SERINC3: variants seen among roughly 807,000 people sequenced by gnomAD.
SERINC3 encodes tumor differentially expressed protein 1.
SERINC3 carries 22 observed loss-of-function variants against 52.1 expected under a neutral mutation model. The observed-to-expected ratio is 0.42, with a 90% confidence interval of 0.30 to 0.60. The LOEUF (loss-of-function observed/expected upper bound fraction) is 0.60. SERINC3 is among the 20% of genes least tolerant of loss of function. The pLI is 0.16. For missense variants in SERINC3, 564 were observed against 584.6 expected (o/e 0.96, Z 0.36); for synonymous variants, 226 against 212.7 (o/e 1.06, Z -0.54).
At chr20:44,515,034 A>T (rs2064371506) in intron 1 of SERINC3, among the ~76,000 whole-genome samples, 1 of 152,184 alleles carries the variant, frequency 6.6e-6, no homozygotes, top group African/African-American at 2.4e-5. Flanking sequence ...CCATTAATTG[A>T]TAAGTAAATA....
In SERINC3 at chr20:44,500,298, A is replaced by C; in HGVS notation, c.1420T>G (p.Ter474GlyextTer51). Residue 474 changes from the stop codon to glycine, a stop_lost, in exon 10 of 10, where the codon TGA (stop) becomes GGA (glycine). Coordinates refer to ENST00000342374, the MANE Select transcript of SERINC3 (RefSeq NM_006811.4). Reference sequence around the variant, plus strand: ...TGGTGTCCTTGGCACTCAGAGGTTCAGCTGAAGTCCCGACTGGTGAGGACA... The same window carrying C: ...TGGTGTCCTTGGCACTCAGAGGTTCCGCTGAAGTCCCGACTGGTGAGGACA... ...PLVLTSRDFS[*>G] 1 of 1,611,750 alleles carries C rather than the reference A, an allele frequency of 6.2e-7. No homozygotes were observed.
intron 8 of SERINC3, among the ~76,000 whole-genome samples, chr20:44,501,766 C>A (rs2064281596): frequency 6.6e-6 from 1 of 152,220 alleles, no homozygotes; most frequent in Non-Finnish European, 1.5e-5. Flanking sequence ...ACATATCACT[C>A]CTATCTTCCT....
At chr20:44,497,400 T>A (rs1377834231), downstream of SERINC3, 2 of 152,188 alleles carry the variant, frequency 1.3e-5, no homozygotes, top group Admixed American at 6.5e-5. Context: ...CCTCCCGACT[T>A]TTAAAGAGCA....
Position 44,502,184 on chromosome 20 carries a change from C to T in SERINC3, c.1056-884G>A, listed in dbSNP as rs73284546. On this transcript the variant is annotated intron_variant, in intron 8 of 9. Coordinates refer to ENST00000342374, the MANE Select transcript of SERINC3 (RefSeq NM_006811.4). ...AGAAAAGAAGTAAAACTATCTCTAT[C>T]TGTAGATGACTTCATCTTGTTTATA... Among the ~76,000 whole-genome samples the T allele has an allele frequency of 1.7e-3, 263 of 152,332 alleles. 2 individuals are homozygous for T. Among genetic ancestry groups the T allele is most frequent in the African/African-American group, 6.0e-3 (250 of 41,576 alleles).
chr20:44,512,375 G>T (rs1017929038), intron 3 of SERINC3, among the ~76,000 whole-genome samples: 1 of 151,416 alleles, frequency 6.6e-6, no homozygotes, highest in Non-Finnish European at 1.5e-5. Flanking sequence ...GTAAAAGGTG[G>T]TCAGGAGTCA....
At chr20:44,501,368 G>A (rs1462696787) in intron 8 of SERINC3, 68 bp from the exon 9 acceptor site, 1 of 1,272,906 alleles carries the variant, frequency 7.9e-7, no homozygotes, top group Non-Finnish European at 1.1e-6. Flanking sequence ...CCACTGGCCT[G>A]TATACAAGAC....
chr20:44,518,736 G>A (rs1276966378), intron 1 of SERINC3, among the ~76,000 whole-genome samples: 2 of 151,762 alleles, frequency 1.3e-5, no homozygotes, highest in South Asian at 2.1e-4. Flanking sequence ...AAGCTGAGGT[G>A]GGCAGATCAC....
intron 1 of SERINC3, among the ~76,000 whole-genome samples, chr20:44,515,948 C>A (rs2064377836): frequency 6.6e-6 from 1 of 152,096 alleles, no homozygotes; most frequent in Non-Finnish European, 1.5e-5. Context: ...AGATACTGCA[C>A]CCGGCCCACT....
At chr20:44,519,780 T>G (rs571555813) in intron 1 of SERINC3, among the ~76,000 whole-genome samples, 10 of 151,450 alleles carry the variant, frequency 6.6e-5, no homozygotes, top group African/African-American at 2.2e-4. Context: ...AGCAAAACTC[T>G]GTCCCCCTCC....
intron 2 of SERINC3, among the ~76,000 whole-genome samples, chr20:44,513,595 T>G (rs1490173169): frequency 6.6e-6 from 1 of 152,134 alleles, no homozygotes; most frequent in Non-Finnish European, 1.5e-5. Context: ...GAAGAACTAG[T>G]CCAGTTTAGA....
chr20:44,509,890 C>T lies in SERINC3; in HGVS notation c.613+1G>A. The T allele has an allele frequency of 1.2e-6, 2 of 1,613,988 alleles. No individual in the cohort carries two copies. Among genetic ancestry groups the T allele is most frequent in the East Asian group, 2.2e-5 (1 of 44,874 alleles). ...TAACATAGGTGAGTAGAGATACCTA[C>T]CAGCATACCACAACCTTGGGTTTCC... On this transcript the variant is annotated splice_donor_variant, in intron 5 of 9. Coordinates refer to ENST00000342374, the MANE Select transcript of SERINC3 (RefSeq NM_006811.4). LOFTEE classifies it high-confidence loss of function.
In SERINC3 at chr20:44,499,302, T is replaced by TA. The variant is rs1237549283; in HGVS notation, c.*993dup. The TA allele has an allele frequency of 6.6e-6, 1 of 152,362 alleles. No homozygotes were observed. The highest frequency in any genetic ancestry group is 1.5e-5 in the Non-Finnish European group (1 of 68,040). The allele number at this position is 152,362 out of a possible 1,614,324, so 9.4% of individuals were successfully genotyped here. On this transcript the variant is annotated 3_prime_UTR_variant, in exon 10 of 10. Coordinates refer to ENST00000342374, the MANE Select transcript of SERINC3 (RefSeq NM_006811.4). Reference sequence around the variant, plus strand: ...TCCGTCTCTCATCTACCAAGTGTCTTACCTAGAGAAGGTATTTAGGACTTT... The same window carrying TA: ...TCCGTCTCTCATCTACCAAGTGTCTTAACCTAGAGAAGGTATTTAGGACTTT...
In SERINC3 at chr20:44,517,220, G is replaced by A. The variant is rs1011121515; in HGVS notation, c.40-3180C>T. On this transcript the variant is annotated intron_variant, in intron 1 of 9. Transcript: ENST00000342374. Reference sequence around the variant, plus strand: ...GTATAATGCCTGACATATTTATCAGGCTCAATATATCGTGGTAGCCATTAT... The same window carrying A: ...GTATAATGCCTGACATATTTATCAGACTCAATATATCGTGGTAGCCATTAT... Among the ~76,000 whole-genome samples the A allele has an allele frequency of 2.0e-5, 3 of 152,146 alleles. No homozygotes were observed. In the South Asian group the frequency reaches 6.2e-4, roughly 32 times the overall value.
At chr20:44,511,071 G>A (rs760598730) in intron 4 of SERINC3, among the ~76,000 whole-genome samples, 13 of 151,752 alleles carry the variant, frequency 8.6e-5, no homozygotes, top group African/African-American at 2.4e-4. Context: ...GCACCACCAC[G>A]CCTGGCTAAT....
At chr20:44,513,773 C>G in intron 2 of SERINC3, 106 bp downstream of exon 2, 1 of 995,846 alleles carries the variant, frequency 1.0e-6, no homozygotes, top group Middle Eastern at 3.0e-4. Flanking sequence ...AGTAAAAAAT[C>G]TCCAAATTAC....
At chr20:44,505,898 GC>G (rs1039837598) in intron 6 of SERINC3, among the ~76,000 whole-genome samples, 14 of 152,160 alleles carry the variant, frequency 9.2e-5, no homozygotes, top group African/African-American at 3.4e-4. Flanking sequence ...ACCACACCCA[GC>G]CTAAACTATG....
At chr20:44,510,924 T>C (rs958036452) in intron 4 of SERINC3, among the ~76,000 whole-genome samples, 5 of 151,952 alleles carry the variant, frequency 3.3e-5, no homozygotes, top group Admixed American at 1.3e-4. Context: ...TGTTTTGTTT[T>C]GTTTTTTGAG....
rs1418608026 is a variant in SERINC3, at chr20:44,506,969, T to C, written c.641A>G (p.Tyr214Cys). The part of the protein sequence containing the change: ...AALLSFTSAF[Y>C]ILSIICVGLL... ...CCCGACACAGATGATTGACAGGATA[T>C]AAAAGGCGCTTGTGAAAGACAGTAA... Residue 214 changes from tyrosine (Y) to cysteine (C), a missense_variant, in exon 6 of 10, where the codon TAT (tyrosine) becomes TGT (cysteine). Transcript: ENST00000342374. 1.9e-6 allele frequency: 3 copies of C among 1,604,954 alleles called. No individual in the cohort carries two copies. Among genetic ancestry groups the C allele is most frequent in the African/African-American group, 2.7e-5 (2 of 74,598 alleles).
intron 3 of SERINC3, among the ~76,000 whole-genome samples, chr20:44,512,325 C>CAAAAAAAAAAAAAA (rs920134707): frequency 6.1e-5 from 3 of 49,316 alleles, no homozygotes; most frequent in African/African-American, 1.6e-4. Flanking sequence ...AAAAACAAAA[C>CAAAAAAAAAAAAAA]AAAAAAAAAA....
Sources: gnomAD v4.1 joint callset for allele counts (sites outside exome capture counted in the v4.1 genomes callset) on GRCh38, gnomAD v4.1.1 for gene constraint, MANE v1.5 for transcripts, NCBI Gene and HGNC (gene_info 2026-07-23, HGNC 2026-07-21) for gene names.